The following WDR7 variants were observed in gnomAD, a reference collection of about 807,000 sequenced individuals.
WDR7 encodes the protein WD repeat domain 7.
A neutral mutation model predicts 169.4 loss-of-function variants in WDR7; 46 were observed. The ratio of observed to expected loss-of-function variants is 0.27; its 90% CI spans 0.21 to 0.35. WDR7 has a LOEUF of 0.35. WDR7 is among the 10% of genes least tolerant of loss of function. The pLI is 1.00. For missense variants in WDR7, 1,534 were observed against 1,859.3 expected, an observed-to-expected ratio of 0.83 and a Z score of 3.22; for synonymous variants, 612 against 666.8, an observed-to-expected ratio of 0.92 and a Z score of 1.27.
intron 19 of WDR7, chr18:56,782,063 G>A (rs77263736): frequency 0.026 from 4,031 of 153,080 alleles, 71 homozygotes; most frequent in African/African-American, 0.051. Flanking sequence ...TGAATCCTTA[G>A]AAAAACAAAG....
intron 20 of WDR7, among the ~76,000 whole-genome samples, chr18:56,855,893 T>C (rs2045713282): frequency 6.6e-6 from 1 of 152,124 alleles, no homozygotes; most frequent in South Asian, 2.1e-4. Flanking sequence ...AACTCACTGC[T>C]CTCAGAGCAG....
chr18:56,997,460 T>A (rs2047914344), intron 26 of WDR7, among the ~76,000 whole-genome samples: 1 of 152,082 alleles, frequency 6.6e-6, no homozygotes, highest in Non-Finnish European at 1.5e-5. Flanking sequence ...AAATATTATG[T>A]GGGTGGGTTG....
intron 22 of WDR7, among the ~76,000 whole-genome samples, chr18:56,934,254 C>G (rs1174313071): frequency 6.6e-6 from 1 of 152,144 alleles, no homozygotes; most frequent in East Asian, 1.9e-4. Flanking sequence ...AGCCCCAGCA[C>G]TACTCACACA....
chr18:56,953,597 A>G (rs2047212026), intron 25 of WDR7, among the ~76,000 whole-genome samples: 1 of 152,250 alleles, frequency 6.6e-6, no homozygotes, highest in South Asian at 2.1e-4. Flanking sequence ...AAAGGGCCTT[A>G]AAGTTGGCTT....
intron 26 of WDR7, among the ~76,000 whole-genome samples, chr18:56,990,567 C>T (rs1277156573): frequency 6.6e-6 from 1 of 152,106 alleles, no homozygotes; most frequent in Non-Finnish European, 1.5e-5. Context: ...TATGCTAAAG[C>T]TGGGCAAAGG....
intron 11 of WDR7, 68 bp downstream of exon 11, chr18:56,695,266 T>C: frequency 1.3e-6 from 2 of 1,544,492 alleles, no homozygotes; most frequent in Non-Finnish European, 8.7e-7. Flanking sequence ...AAAATGTCTC[T>C]GTTTTTTGTT....
intron 1 of WDR7, among the ~76,000 whole-genome samples, chr18:56,672,264 G>A (rs552383686): frequency 1.9e-3 from 291 of 151,994 alleles, no homozygotes; most frequent in African/African-American, 6.5e-3. Context: ...TTATTATTTC[G>A]TTATTTCTTT....
chr18:56,756,565 TA>T lies in WDR7; in HGVS notation c.1990-13del. ...AGCACTTTTAATTATAACTATCTTTTAAAAATATTTATTACAGGGAAATTTA... is the reference window on the plus strand; with the variant it reads ...AGCACTTTTAATTATAACTATCTTTTAAAATATTTATTACAGGGAAATTTA... On this transcript the variant is annotated splice_polypyrimidine_tract_variant and intron_variant, in intron 14 of 27. Transcript: ENST00000254442. The T allele has an allele frequency of 6.5e-7, 1 of 1,534,044 alleles. No individual in the cohort carries two copies. The highest frequency in any genetic ancestry group is 8.8e-7 in the Non-Finnish European group (1 of 1,142,102).
intron 14 of WDR7, among the ~76,000 whole-genome samples, chr18:56,752,889 A>G (rs1176096920): frequency 3.9e-5 from 6 of 152,224 alleles, no homozygotes; most frequent in Non-Finnish European, 8.8e-5. Flanking sequence ...CGGAGGGAGC[A>G]TGATTCTGGC....
In WDR7 at chr18:56,715,559, C is replaced by T. The variant is rs539962286; in HGVS notation, c.1579-2405C>T. 9.9e-5 allele frequency among the ~76,000 whole-genome samples: 15 copies of T among 152,090 alleles called. No homozygotes were observed. In the East Asian group the frequency reaches 2.9e-3, roughly 29 times the overall value. ...ATCAAAAGTAGGGTCAGTGGCCAGG[C>T]GCGGTGGTTCATGCCTGTAGTCCTA... On this transcript the variant is annotated intron_variant, in intron 12 of 27. Transcript: ENST00000254442.
At chr18:56,771,460 G>A (rs989933188) in intron 16 of WDR7, among the ~76,000 whole-genome samples, 3 of 151,594 alleles carry the variant, frequency 2.0e-5, no homozygotes, top group Non-Finnish European at 4.4e-5. Flanking sequence ...GGTGGCTCAT[G>A]CCTTTAGTCC....
At chr18:56,956,283 C>T (rs922196868) in intron 25 of WDR7, among the ~76,000 whole-genome samples, 24 of 152,254 alleles carry the variant, frequency 1.6e-4, no homozygotes, top group African/African-American at 5.3e-4. Flanking sequence ...CAACACAGCT[C>T]GCCCTGAGCT....
chr18:56,953,515 T>G (rs1403185671), intron 25 of WDR7, among the ~76,000 whole-genome samples: 3 of 152,250 alleles, frequency 2.0e-5, no homozygotes, highest in Non-Finnish European at 2.9e-5. Context: ...TCTCTGAAAA[T>G]TTCCAATTCA....
chr18:57,012,358 C>G (rs1461038449), intron 26 of WDR7, among the ~76,000 whole-genome samples: 1 of 152,134 alleles, frequency 6.6e-6, no homozygotes, highest in East Asian at 1.9e-4. Context: ...TGGACCAGGA[C>G]AGCACCAGGA....
intron 20 of WDR7, among the ~76,000 whole-genome samples, chr18:56,856,072 A>G (rs2045716185): frequency 6.6e-6 from 1 of 152,178 alleles, no homozygotes; most frequent in African/African-American, 2.4e-5. Flanking sequence ...GCGCAGGGAA[A>G]ATCCTAGAAG....
At chr18:56,794,656 T>C (rs974865877) in intron 19 of WDR7, among the ~76,000 whole-genome samples, 2 of 152,174 alleles carry the variant, frequency 1.3e-5, no homozygotes, top group Non-Finnish European at 2.9e-5. Flanking sequence ...ACACTTTGAA[T>C]GCCAAAAAAT....
chr18:56,795,280 C>G (rs1162727558), intron 19 of WDR7, among the ~76,000 whole-genome samples: 1 of 152,080 alleles, frequency 6.6e-6, no homozygotes, highest in Non-Finnish European at 1.5e-5. Flanking sequence ...CTGTGCCCAC[C>G]TCGTTTCCTG....
chr18:56,899,872 A>G (rs2046377472), intron 21 of WDR7, among the ~76,000 whole-genome samples: 1 of 152,050 alleles, frequency 6.6e-6, no homozygotes. Context: ...TGACACATTG[A>G]TAAACAAGTA....
intron 21 of WDR7, among the ~76,000 whole-genome samples, chr18:56,900,536 A>T (rs1330928635): frequency 6.6e-6 from 1 of 152,180 alleles, no homozygotes; most frequent in Non-Finnish European, 1.5e-5. Context: ...CTATGTGCAA[A>T]ATATCAGCTA....
Sources: gnomAD v4.1 joint callset for allele counts (sites outside exome capture counted in the v4.1 genomes callset) on GRCh38, gnomAD v4.1.1 for gene constraint, MANE v1.5 for transcripts, NCBI Gene and HGNC (gene_info 2026-07-23, HGNC 2026-07-21) for gene names.